ZNF7: variants seen among roughly 807,000 people sequenced by gnomAD.
ZNF7 encodes the protein zinc finger protein 7.
A neutral mutation model predicts 12.0 loss-of-function variants in ZNF7; 10 were observed. The ratio of observed to expected loss-of-function variants is 0.83; its 90% CI spans 0.51 to 1.42. The LOEUF (loss-of-function observed/expected upper bound fraction) is 1.42, where lower values mean the gene tolerates loss of function less well. Ranked by LOEUF, ZNF7 falls within the 40% of genes most tolerant of loss-of-function variation. ZNF7 has a pLI of 0.00. For missense variants in ZNF7, 854 were observed against 837.2 expected (o/e 1.02, Z -0.25); for synonymous variants, 334 against 295.0 (o/e 1.13, Z -1.35).
Position 144,842,335 on chromosome 8 carries a change from G to A in ZNF7, c.1228G>A (p.Glu410Lys). 2.5e-6 allele frequency: 4 copies of A among 1,614,008 alleles called. No individual in the cohort carries two copies. Among genetic ancestry groups the A allele is most frequent in the Non-Finnish European group, 3.4e-6 (4 of 1,180,048 alleles). ...TGCACATCAGAGAATTCACGCTGTA[G>A]AGAAACCATTTAAGTGTGATGAGTG... is the stretch of plus-strand genomic sequence containing the variant. The part of the protein sequence containing the change: ...LVAHQRIHAV[E>K]KPFKCDECGK... The change falls in exon 5 of 5, where the codon GAG becomes AAG. Residue 410 changes from glutamate (E) to lysine (K), a missense_variant. Physicochemically the swap from Glu to Lys is moderately conservative, Grantham distance 56 (BLOSUM62 1). Coordinates refer to ENST00000532777, the MANE Select transcript of ZNF7 (RefSeq NM_003416.4).
At chr8:144,827,822 G>C in intron 1 of ZNF7, 1 of 383,508 alleles carries the variant, frequency 2.6e-6, no homozygotes, top group Non-Finnish European at 3.6e-6. Context: ...GGTGGGCTTC[G>C]TTTGGCCGAG....
intron 4 of ZNF7, chr8:144,841,130 G>A: frequency 1.9e-6 from 1 of 539,808 alleles, no homozygotes. Flanking sequence ...CCCTGCCCCA[G>A]CAATGAACAT....
downstream of ZNF7, among the ~76,000 whole-genome samples, chr8:144,845,078 G>A (rs1168230748): frequency 1.3e-5 from 2 of 152,158 alleles, no homozygotes; most frequent in African/African-American, 4.8e-5. Flanking sequence ...TACAGGGGAG[G>A]CCACACAGGT....
At chr8:144,830,728 C>CT (rs756859185) in intron 3 of ZNF7, among the ~76,000 whole-genome samples, 4,058 of 138,920 alleles carry the variant, frequency 0.029, 100 homozygotes, top group African/African-American at 0.072. Context: ...AGTGAGGGTC[C>CT]TTTTTTTTTT....
chr8:144,841,915 A>G lies in ZNF7; in HGVS notation c.808A>G (p.Arg270Gly). 6.2e-7 allele frequency: 1 copy of G among 1,614,160 alleles called. No homozygotes were observed. The highest frequency in any genetic ancestry group is 1.1e-5 in the South Asian group (1 of 91,084). ...RLCSQLNQHQRIHTGEKPFKC... is the reference protein window; with the variant it reads ...RLCSQLNQHQGIHTGEKPFKC... ...CTGCTCGCAGCTTAATCAGCATCAG[A>G]GAATCCACACGGGAGAGAAACCCTT... Residue 270 changes from arginine to glycine, a missense_variant, in exon 5 of 5, where the codon AGA becomes GGA. Coordinates refer to ENST00000532777, the MANE Select transcript of ZNF7 (RefSeq NM_003416.4).
intron 3 of ZNF7, among the ~76,000 whole-genome samples, chr8:144,830,155 C>G (rs1828272567): frequency 6.6e-6 from 1 of 152,178 alleles, no homozygotes; most frequent in African/African-American, 2.4e-5. Flanking sequence ...TTGGGCCTTG[C>G]TGGGCCTCTT....
chr8:144,833,108 G>C (rs1253110209), intron 3 of ZNF7, among the ~76,000 whole-genome samples: 3 of 148,578 alleles, frequency 2.0e-5, no homozygotes, highest in Non-Finnish European at 1.5e-5. Flanking sequence ...TGAGACAGGA[G>C]AATCGCTTGA....
chr8:144,842,970 TG>T lies in ZNF7; in HGVS notation c.1864del (p.Val622Ter). On this transcript the variant is annotated frameshift_variant, in exon 5 of 5. Transcript: ENST00000532777. LOFTEE classifies it low-confidence loss of function (END_TRUNC). ...GGAATGCCCTGGAAGGGTCCACCTTTGTGAGCCGTAAAAAGGTTAATACTAT... is the reference window on the plus strand; with the variant it reads ...GGAATGCCCTGGAAGGGTCCACCTTTTGAGCCGTAAAAAGGTTAATACTAT... ...YGNALEGSTF[V>X]SRKKVNTIKK... is the part of the protein sequence containing the mutation. 1 of 1,614,192 alleles carries T rather than the reference TG, an allele frequency of 6.2e-7. No individual in the cohort carries two copies. The highest frequency in any genetic ancestry group is 8.5e-7 in the Non-Finnish European group (1 of 1,180,042).
rs111562571 is a variant in ZNF7, at chr8:144,843,311, C to A, written c.*143C>A. The A allele has an allele frequency of 2.8e-6, 3 of 1,086,244 alleles. No homozygotes were observed. Among genetic ancestry groups the A allele is most frequent in the Admixed American group, 5.7e-5 (2 of 35,020 alleles). 67.3% of individuals were successfully genotyped at this position (1,086,244 alleles called of 1,614,324 possible). A position where few individuals can be genotyped will look rare whatever the true frequency, so the allele number is the denominator to read the frequency against. On this transcript the variant is annotated 3_prime_UTR_variant, in exon 5 of 5. Coordinates refer to ENST00000532777, the MANE Select transcript of ZNF7 (RefSeq NM_003416.4). ...CTCTCAAGAATATCCAACTTCAGGC[C>A]GAGTGTGGTGGCTTATGCCTGTCAT...
At chr8:144,846,259 C>G, downstream of ZNF7, 1 of 1,339,668 alleles carries the variant, frequency 7.5e-7, no homozygotes, top group African/African-American at 1.5e-5. Context: ...GGGGTGCAAG[C>G]TTCATTCTGC....
At chr8:144,844,321 C>A (rs1478767587), downstream of ZNF7, among the ~76,000 whole-genome samples, 1 of 152,188 alleles carries the variant, frequency 6.6e-6, no homozygotes, top group Non-Finnish European at 1.5e-5. Flanking sequence ...TGCGCACAGG[C>A]CCTGAGGCTG....
intron 3 of ZNF7, among the ~76,000 whole-genome samples, chr8:144,831,393 G>T (rs535396959): frequency 7.1e-6 from 1 of 139,998 alleles, no homozygotes; most frequent in Admixed American, 6.8e-5. Context: ...GGGCAAGCTC[G>T]TGTGTGCACA....
rs756244783 is a variant in ZNF7, at chr8:144,842,577, C to A, written c.1470C>A (p.Ile490=). ...CACACCTTATTCAGCATCAGCGAAT[C>A]CACACTGGAGAGAAACCCTATGTGT... ...QGSHLIQHQR[I]HTGEKPYVCN... The change falls in exon 5 of 5, where the codon ATC becomes ATA. Residue 490 remains isoleucine (I), a synonymous_variant. Transcript: ENST00000532777. 6.2e-7 allele frequency: 1 copy of A among 1,614,132 alleles called. No individual in the cohort carries two copies. Among genetic ancestry groups the A allele is most frequent in the South Asian group, 1.1e-5 (1 of 91,078 alleles).
At chr8:144,846,296 G>C (rs116157142), downstream of ZNF7, 673 of 1,050,668 alleles carry the variant, frequency 6.4e-4, 1 homozygote, top group African/African-American at 9.8e-3. Flanking sequence ...TCTCTGGATT[G>C]ACATGGTCCT....
chr8:144,840,380 C>T (rs931830578), intron 4 of ZNF7, among the ~76,000 whole-genome samples: 1 of 152,222 alleles, frequency 6.6e-6, no homozygotes, highest in Non-Finnish European at 1.5e-5. Context: ...TGGGCAGGAA[C>T]CGAAGCTTGA....
In ZNF7 at chr8:144,841,822, A is replaced by C; in HGVS notation, c.715A>C (p.Lys239Gln). 6.2e-7 allele frequency: 1 copy of C among 1,614,222 alleles called. No homozygotes were observed. The highest frequency in any genetic ancestry group is 8.5e-7 in the Non-Finnish European group (1 of 1,180,050). ...QKKLSDCLQG[K>Q]HTNNCHGEKP... ...AAAGTTATCTGACTGCTTGCAGGGG[A>C]AACATACAAATAACTGCCATGGAGA... The change falls in exon 5 of 5, where the codon AAA becomes CAA. Residue 239 changes from lysine to glutamine, a missense_variant. Lys to Gln is a moderately conservative substitution (Grantham distance 53). Transcript: ENST00000532777.
At chr8:144,829,656 C>T in intron 3 of ZNF7, 52 bp downstream of exon 3, 1 of 1,556,788 alleles carries the variant, frequency 6.4e-7, no homozygotes, top group Non-Finnish European at 8.7e-7. Flanking sequence ...CAGCACCCAC[C>T]CAGCCAGGCC....
At chr8:144,838,958 A>AGGGGCTGTG (rs1829462701) in intron 4 of ZNF7, 2 of 152,054 alleles carry the variant, frequency 1.3e-5, no homozygotes, top group Admixed American at 6.6e-5. Flanking sequence ...AAAAAAAAAA[A>AGGGGCTGTG]AAAAGCAGGG....
chr8:144,843,372 G>A lies in ZNF7; in HGVS notation c.*204G>A, dbSNP rs1388350757. ...TGGGAGGCCAAGGCGGGCACATCAC[G>A]AGGTCAGGAGGTTGAGACCATCCTG... On this transcript the variant is annotated 3_prime_UTR_variant, in exon 5 of 5. Coordinates refer to ENST00000532777, the MANE Select transcript of ZNF7 (RefSeq NM_003416.4). 34 of 542,350 alleles carry A rather than the reference G, an allele frequency of 6.3e-5. No homozygotes were observed. The highest frequency in any genetic ancestry group is 5.9e-4 in the East Asian group (18 of 30,600). The allele number at this position is 542,350 out of a possible 1,614,324, so 33.6% of individuals were successfully genotyped here.
Sources: allele counts gnomAD v4.1 joint callset (sites outside exome capture counted in the v4.1 genomes callset), GRCh38; gene constraint gnomAD v4.1.1; transcripts MANE v1.5; gene names NCBI Gene and HGNC (gene_info 2026-07-23, HGNC 2026-07-21).